ST18: variants seen among roughly 807,000 people sequenced by gnomAD.
The protein encoded by ST18 is ST18 C2H2C-type zinc finger transcription factor.
A neutral mutation model predicts 110.0 loss-of-function variants in ST18; 50 were observed. The ratio of observed to expected loss-of-function variants is 0.45; its 90% CI spans 0.36 to 0.58. ST18 has a LOEUF of 0.58. Among genes scored for constraint, ST18 ranks in the 20% least tolerant of loss-of-function variants. ST18 has a pLI of 0.00. For missense variants in ST18, 1,306 were observed against 1,280.1 expected, an observed-to-expected ratio of 1.02 and a Z score of -0.31; for synonymous variants, 461 against 452.4, an observed-to-expected ratio of 1.02 and a Z score of -0.24.
intron 20 of ST18, 39 bp from the exon 21 acceptor site, chr8:52,133,176 G>C (rs751626578): frequency 2.5e-6 from 4 of 1,614,156 alleles, no homozygotes; most frequent in Non-Finnish European, 2.5e-6. Context: ...GCAAAATTAT[G>C]TGATCTCTCT....
chr8:52,178,645 C>CAAAAAAAAA (rs1563897561), intron 9 of ST18, among the ~76,000 whole-genome samples: 414 of 29,902 alleles, frequency 0.014, 65 homozygotes, highest in Non-Finnish European at 0.018. Flanking sequence ...AAAAAAAAAC[C>CAAAAAAAAA]ACCAAAAACC....
chr8:52,340,480 A>T (rs1814416933), intron 2 of ST18, among the ~76,000 whole-genome samples: 1 of 152,238 alleles, frequency 6.6e-6, no homozygotes, highest in Admixed American at 6.5e-5. Flanking sequence ...GACCACACGG[A>T]CAAAGTGCAG....
chr8:52,250,942 G>C (rs554636270), intron 2 of ST18, among the ~76,000 whole-genome samples: 148 of 152,110 alleles, frequency 9.7e-4, no homozygotes, highest in African/African-American at 3.3e-3. Context: ...CAAGACTCTT[G>C]GTATTAAACC....
chr8:52,296,957 T>C (rs960185518), intron 2 of ST18, among the ~76,000 whole-genome samples: 2 of 152,156 alleles, frequency 1.3e-5, no homozygotes, highest in African/African-American at 2.4e-5. Flanking sequence ...TAAAAAACCA[T>C]ATTAGGCCAC....
intron 2 of ST18, among the ~76,000 whole-genome samples, chr8:52,327,598 G>A (rs1466937143): frequency 6.6e-6 from 1 of 152,084 alleles, no homozygotes; most frequent in African/African-American, 2.4e-5. Flanking sequence ...TGTTTTTCAG[G>A]CATTTTTTCT....
chr8:52,140,688 T>C (rs2054666115), intron 17 of ST18, among the ~76,000 whole-genome samples: 1 of 152,092 alleles, frequency 6.6e-6, no homozygotes, highest in African/African-American at 2.4e-5. Context: ...CTTTTTGAAA[T>C]CCTTCCTCTT....
At chr8:52,283,672 A>G (rs886388095) in intron 2 of ST18, among the ~76,000 whole-genome samples, 1 of 152,150 alleles carries the variant, frequency 6.6e-6, no homozygotes, top group South Asian at 2.1e-4. Context: ...TGTTAAAGAC[A>G]CTGTTGGCTT....
At chr8:52,323,202 C>A (rs1360365525) in intron 2 of ST18, among the ~76,000 whole-genome samples, 1 of 152,180 alleles carries the variant, frequency 6.6e-6, no homozygotes, top group Admixed American at 6.5e-5. Context: ...CACATAAAAC[C>A]AGGAGAGGCC....
chr8:52,305,036 T>C lies in ST18; in HGVS notation c.-464-74959A>G, dbSNP rs144768884. ...TTTAGGTAATCCATGTAATTTAAAA[T>C]GTAGGAAGTACATTGTGCTGAAATG... is the stretch of plus-strand genomic sequence containing the variant. On this transcript the variant is annotated intron_variant, in intron 2 of 25. Coordinates refer to ENST00000689386, the MANE Select transcript of ST18 (RefSeq NM_001352837.2). Among the ~76,000 whole-genome samples the C allele has an allele frequency of 4.2e-3, 635 of 152,328 alleles. 4 individuals carry two copies. The highest frequency in any genetic ancestry group is 8.4e-3 in the Admixed American group (129 of 15,306).
intron 2 of ST18, among the ~76,000 whole-genome samples, chr8:52,291,480 A>G (rs2095555271): frequency 6.6e-6 from 1 of 152,260 alleles, no homozygotes; most frequent in South Asian, 2.1e-4. Flanking sequence ...TAAGTTGAAT[A>G]TTAAACGAAT....
At chr8:52,236,703 T>C (rs1008835130) in intron 2 of ST18, among the ~76,000 whole-genome samples, 1 of 151,990 alleles carries the variant, frequency 6.6e-6, no homozygotes, top group East Asian at 1.9e-4. Flanking sequence ...AGAAAAATCA[T>C]AGAAAGATCC....
At chr8:52,344,163 T>C (rs1446159718) in intron 2 of ST18, among the ~76,000 whole-genome samples, 1 of 152,208 alleles carries the variant, frequency 6.6e-6, no homozygotes, top group Non-Finnish European at 1.5e-5. Context: ...TTATTAAGAC[T>C]CCTTTTATGT....
chr8:52,369,691 GA>G (rs1829539189), intron 2 of ST18, among the ~76,000 whole-genome samples: 1 of 152,016 alleles, frequency 6.6e-6, no homozygotes, highest in Non-Finnish European at 1.5e-5. Context: ...AAAAGGGAAA[GA>G]AAAAAAGAAA....
rs149003087 is a variant in ST18 at position 52,322,642 on chromosome 8, G to A, written c.-465+86686C>T. Among the ~76,000 whole-genome samples the A allele has an allele frequency of 4.9e-3, 746 of 152,316 alleles. 8 individuals carry two copies. Among genetic ancestry groups the A allele is most frequent in the Admixed American group, 7.5e-3 (114 of 15,300 alleles). On this transcript the variant is annotated intron_variant, in intron 2 of 25. Transcript: ENST00000689386. The stretch of plus-strand genomic sequence containing the variant: ...TGCTGGTCCAGAGAGACAGAGCTCA[G>A]TGTGATCATGAAGCTGTGTCTTGCT...
intron 2 of ST18, among the ~76,000 whole-genome samples, chr8:52,259,881 C>A (rs758435201): frequency 6.6e-6 from 1 of 152,148 alleles, no homozygotes; most frequent in Non-Finnish European, 1.5e-5. Flanking sequence ...AGGAAACTCT[C>A]CAGTGAATTT....
chr8:52,170,725 GA>G (rs1333075584), intron 10 of ST18, among the ~76,000 whole-genome samples: 1 of 152,104 alleles, frequency 6.6e-6, no homozygotes, highest in Non-Finnish European at 1.5e-5. Flanking sequence ...ACCCTTGCAG[GA>G]TGTTTGCATG....
intron 2 of ST18, among the ~76,000 whole-genome samples, chr8:52,327,269 T>G (rs933683268): frequency 7.9e-5 from 12 of 152,354 alleles, no homozygotes; most frequent in Admixed American, 5.2e-4. Context: ...TTGGTAGAAG[T>G]GAAGTTAGAT....
chr8:52,369,536 TA>T (rs1303402687), intron 2 of ST18, among the ~76,000 whole-genome samples: 1 of 152,184 alleles, frequency 6.6e-6, no homozygotes, highest in Non-Finnish European at 1.5e-5. Context: ...CCCAGACAGT[TA>T]AATGAGAGAG....
At chr8:52,236,396 G>A (rs1297780036) in intron 2 of ST18, among the ~76,000 whole-genome samples, 3 of 152,150 alleles carry the variant, frequency 2.0e-5, no homozygotes, top group Non-Finnish European at 4.4e-5. Context: ...GATCACTTGA[G>A]TTCAGGAGTT....
Sources: gnomAD v4.1 joint callset for allele counts (sites outside exome capture counted in the v4.1 genomes callset) on GRCh38, gnomAD v4.1.1 for gene constraint, MANE v1.5 for transcripts, NCBI Gene and HGNC (gene_info 2026-07-23, HGNC 2026-07-21) for gene names.